Variants in RADIL observed in about 807,000 individuals in gnomAD.
RADIL encodes ras-associating and dilute domain-containing protein.
A neutral mutation model predicts 97.6 loss-of-function variants in RADIL; 99 were observed. That is an observed-to-expected ratio of 1.01 (90% CI 0.86 to 1.20). The LOEUF is 1.20. Ranked by LOEUF, RADIL falls within the 50% of genes most tolerant of loss-of-function variation. RADIL has a pLI of 0.00. For missense variants in RADIL, 1,765 were observed against 1,498.9 expected (o/e 1.18, Z -2.93); for synonymous variants, 803 against 691.8 (o/e 1.16, Z -2.52).
intron 2 of RADIL, among the ~76,000 whole-genome samples, chr7:4,850,958 T>G (rs1284826901): frequency 6.6e-6 from 1 of 152,086 alleles, no homozygotes; most frequent in African/African-American, 2.4e-5. Context: ...TCCCAGCACT[T>G]TGGGAGGCCA....
chr7:4,803,588 A>AGGGCTGCCG lies in RADIL; in HGVS notation c.2448_2456dup (p.Ser818_Gly820dup). 6.5e-7 allele frequency: 1 copy of AGGGCTGCCG among 1,547,548 alleles called. No homozygotes were observed. Among genetic ancestry groups the AGGGCTGCCG allele is most frequent in the East Asian group, 2.4e-5 (1 of 40,868 alleles). ...GGGAGGCCCCACTGCCAGGCCTGCCAGGGCTGCCGGGGCTGGCTCTGCTCC... is the reference window on the plus strand; with the variant it reads ...GGGAGGCCCCACTGCCAGGCCTGCCAGGGCTGCCGGGGCTGCCGGGGCTGGCTCTGCTCC... On this transcript the variant is annotated inframe_insertion, in exon 11 of 15. Coordinates refer to ENST00000399583, the MANE Select transcript of RADIL (RefSeq NM_018059.5).
Position 4,801,639 on chromosome 7 carries a change from C to T in RADIL, c.2842+14G>A. Reference sequence around the variant, plus strand: ...CTGGGGTGGGTTCCCGCCTGAGCACCAGGCAGGGCTCACCTTCCGGAGCTG... The same window carrying T: ...CTGGGGTGGGTTCCCGCCTGAGCACTAGGCAGGGCTCACCTTCCGGAGCTG... On this transcript the variant is annotated intron_variant, in intron 12 of 14. Transcript: ENST00000399583. 7 of 1,582,788 alleles carry T rather than the reference C, an allele frequency of 4.4e-6. No individual in the cohort carries two copies. The highest frequency in any genetic ancestry group is 6.0e-6 in the Non-Finnish European group (7 of 1,166,368).
At chr7:4,868,570 T>C (rs748517529) in intron 2 of RADIL, among the ~76,000 whole-genome samples, 14 of 152,236 alleles carry the variant, frequency 9.2e-5, no homozygotes, top group Non-Finnish European at 1.5e-4. Flanking sequence ...CCACGCTTGC[T>C]TCACCTTCCT....
rs1784347277 is a variant in RADIL, at chr7:4,875,219, CAACAACAA to C, written c.535+2378_535+2385del. Among the ~76,000 whole-genome samples, 4 of 134,330 alleles carry C rather than the reference CAACAACAA, an allele frequency of 3.0e-5. No homozygotes were observed. In the East Asian group the frequency reaches 8.1e-4, roughly 27 times the overall value. The allele number at this position is 134,330 out of a possible 152,430, so 88.1% of individuals were successfully genotyped here. Reference sequence around the variant, plus strand: ...ACAACAACAACAACAACAACAACAACAACAACAACAACAACAACAAAATTAGCCGGGCG... The same window carrying C: ...ACAACAACAACAACAACAACAACAACCAACAACAACAAAATTAGCCGGGCG... On this transcript the variant is annotated intron_variant, in intron 2 of 14. Coordinates refer to ENST00000399583, the MANE Select transcript of RADIL (RefSeq NM_018059.5).
intron 5 of RADIL, among the ~76,000 whole-genome samples, chr7:4,827,865 C>T (rs1783040994): frequency 6.6e-6 from 1 of 151,746 alleles, no homozygotes; most frequent in African/African-American, 2.4e-5. Context: ...TTCTGTGAAC[C>T]TTGTTACTAA....
intron 2 of RADIL, chr7:4,858,834 C>T (rs1364000785): frequency 1.3e-5 from 2 of 152,112 alleles, no homozygotes; most frequent in African/African-American, 4.8e-5. Context: ...AATATTATTC[C>T]TTTTTTCTTG....
At chr7:4,806,817 T>C (rs1331528772) in intron 9 of RADIL, among the ~76,000 whole-genome samples, 1 of 152,212 alleles carries the variant, frequency 6.6e-6, no homozygotes, top group Non-Finnish European at 1.5e-5. Context: ...GGCGTCACCC[T>C]TCGGATTCTG....
Position 4,798,682 on chromosome 7 carries a change from TCA to T in RADIL, c.*694_*695del, listed in dbSNP as rs1231278316. 4 of 152,374 alleles carry T rather than the reference TCA, an allele frequency of 2.6e-5. No homozygotes were observed. The highest frequency in any genetic ancestry group is 4.4e-5 in the Non-Finnish European group (3 of 68,172). 9.4% of individuals were successfully genotyped at this position (152,374 alleles called of 1,614,324 possible). On this transcript the variant is annotated 3_prime_UTR_variant, in exon 15 of 15. Transcript: ENST00000399583. Reference sequence around the variant, plus strand: ...AGGGCCTGGGGCCGCCAGCCTGGTATCAGGGCCACGCTGGTGGCTTTAGTAGG... The same window carrying T: ...AGGGCCTGGGGCCGCCAGCCTGGTATGGGCCACGCTGGTGGCTTTAGTAGG...
At position 4,815,830 on chromosome 7, in the gene RADIL, TG is replaced by T. The variant is rs899970561; in HGVS notation, c.1967-381del. On this transcript the variant is annotated intron_variant, in intron 8 of 14. Transcript: ENST00000399583. The surrounding 1 kb of genome is among the most constrained non-coding windows in gnomAD (Gnocchi z 8.0). ...CAGTGCTCCTGAGCCCTGCAGGTGA[TG>T]GGGGAAGTCACTCCACAAGGCAGGG... Among the ~76,000 whole-genome samples, 75 of 152,180 alleles carry T rather than the reference TG, an allele frequency of 4.9e-4. 1 individual carries two copies. The highest frequency in any genetic ancestry group is 1.7e-3 in the African/African-American group (71 of 41,534).
chr7:4,823,226 C>T (rs921907543), intron 5 of RADIL, among the ~76,000 whole-genome samples: 1 of 151,584 alleles, frequency 6.6e-6, no homozygotes, highest in Non-Finnish European at 1.5e-5. Context: ...AAGGCCAAGG[C>T]GGGTGGATCA....
At chr7:4,830,331 C>A (rs1011206502) in intron 5 of RADIL, among the ~76,000 whole-genome samples, 1 of 152,138 alleles carries the variant, frequency 6.6e-6, no homozygotes, top group African/African-American at 2.4e-5. Flanking sequence ...AGGGCCCACT[C>A]GAGAGTGGGA....
In RADIL at chr7:4,801,726, G is replaced by A. The variant is rs369296363; in HGVS notation, c.2769C>T (p.Gly923=). The change falls in exon 12 of 15, where the codon GGC becomes GGT. Residue 923 remains glycine, a synonymous_variant. Coordinates refer to ENST00000399583, the MANE Select transcript of RADIL (RefSeq NM_018059.5). ...CTGGGAGCGCTTTTCCACAGGGGCC[G>A]CCGGACTCTGGCCAGTCGGGGTCCC... is the stretch of plus-strand genomic sequence containing the variant. ...EPGDPDWPES[G]GPCGKALPER... 140 of 1,610,160 alleles carry A rather than the reference G, an allele frequency of 8.7e-5. 1 individual carries two copies. The African/African-American group carries it at 1.0e-3, about 12-fold the overall frequency.
In RADIL at chr7:4,830,689, C is replaced by T. The variant is rs147053346; in HGVS notation, c.1454+1452G>A. On this transcript the variant is annotated intron_variant, in intron 5 of 14. Transcript: ENST00000399583. Reference sequence around the variant, plus strand: ...GGTCAGGAGTTCGAGACCAGCCTCACCAACATGGAGAATCCCCATCTCTAC... The same window carrying T: ...GGTCAGGAGTTCGAGACCAGCCTCATCAACATGGAGAATCCCCATCTCTAC... Among the ~76,000 whole-genome samples, 496 of 151,954 alleles carry T rather than the reference C, an allele frequency of 3.3e-3. 7 individuals carry two copies. Among genetic ancestry groups the T allele is most frequent in the African/African-American group, 0.011 (470 of 41,434 alleles).
At position 4,815,068 on chromosome 7, in the gene RADIL, G is replaced by A. The variant is rs980969633; in HGVS notation, c.2139+210C>T. 3.3e-5 allele frequency among the ~76,000 whole-genome samples: 5 copies of A among 152,240 alleles called. No individual in the cohort carries two copies. Among genetic ancestry groups the A allele is most frequent in the South Asian group, 2.1e-4 (1 of 4,816 alleles). ...TACGGTCACAGGGTAAGACGGTCAC[G>A]GGTCTCAGACATCTTTGGGCCATTA... On this transcript the variant is annotated intron_variant, in intron 9 of 14. Coordinates refer to ENST00000399583, the MANE Select transcript of RADIL (RefSeq NM_018059.5). This position sits in a 1 kb window ranked among gnomAD's most constrained non-coding sequence, Gnocchi z 8.0.
chr7:4,830,821 T>C (rs1379539472), intron 5 of RADIL, among the ~76,000 whole-genome samples: 3 of 152,102 alleles, frequency 2.0e-5, no homozygotes, highest in Non-Finnish European at 2.9e-5. Context: ...GAGACCATCC[T>C]GGCTAACACG....
Position 4,835,376 on chromosome 7 carries a change from C to T in RADIL, c.784-137G>A, listed in dbSNP as rs1783267216. The T allele has an allele frequency of 8.7e-7, 1 of 1,152,974 alleles. No individual in the cohort carries two copies. Among genetic ancestry groups the T allele is most frequent in the Non-Finnish European group, 1.2e-6 (1 of 821,308 alleles). The allele number at this position is 1,152,974 out of a possible 1,614,324, so 71.4% of individuals were successfully genotyped here. ...GGGCTCTCCATGTCCCTGGCCACCC[C>T]CACACCAGAACCCCGACGGCTCTCA... is the stretch of plus-strand genomic sequence containing the variant. On this transcript the variant is annotated intron_variant, in intron 3 of 14. Coordinates refer to ENST00000399583, the MANE Select transcript of RADIL (RefSeq NM_018059.5). This position sits in a 1 kb window ranked among gnomAD's most constrained non-coding sequence, Gnocchi z 5.8.
chr7:4,879,170 G>A lies in RADIL; in HGVS notation c.-64-967C>T, dbSNP rs546733385. Among the ~76,000 whole-genome samples the A allele has an allele frequency of 3.3e-5, 5 of 152,340 alleles. No individual in the cohort carries two copies. The highest frequency in any genetic ancestry group is 7.2e-5 in the African/African-American group (3 of 41,590). On this transcript the variant is annotated intron_variant, in intron 1 of 14. Transcript: ENST00000399583. The surrounding 1 kb of genome is among the most constrained non-coding windows in gnomAD (Gnocchi z 4.1). ...AGGCGTCCCGCCCACCACAGGCCGCGGGTGCCCGGCGCTCCAGGCCACAGA... is the reference window on the plus strand; with the variant it reads ...AGGCGTCCCGCCCACCACAGGCCGCAGGTGCCCGGCGCTCCAGGCCACAGA...
rs1782653077 is a variant in RADIL, at chr7:4,815,471, G to A, written c.1967-21C>T. 6.8e-7 allele frequency: 1 copy of A among 1,481,332 alleles called. No homozygotes were observed. The highest frequency in any genetic ancestry group is 9.0e-7 in the Non-Finnish European group (1 of 1,112,364). 91.8% of individuals were successfully genotyped at this position (1,481,332 alleles called of 1,614,324 possible). A position where few individuals can be genotyped will look rare whatever the true frequency, so the allele number is the denominator to read the frequency against. ...GGGGCCTGTGGAGGGAAGAAGGGAGGGTGATGCCTGGGCTGCCCTCCTGGG... is the reference window on the plus strand; with the variant it reads ...GGGGCCTGTGGAGGGAAGAAGGGAGAGTGATGCCTGGGCTGCCCTCCTGGG... On this transcript the variant is annotated intron_variant, in intron 8 of 14. Coordinates refer to ENST00000399583, the MANE Select transcript of RADIL (RefSeq NM_018059.5). The surrounding 1 kb of genome is among the most constrained non-coding windows in gnomAD (Gnocchi z 8.0).
At chr7:4,875,156 C>T (rs141080002) in intron 2 of RADIL, among the ~76,000 whole-genome samples, 2,766 of 141,390 alleles carry the variant, frequency 0.02, 361 homozygotes, top group African/African-American at 0.084. Context: ...TGTGCCACTG[C>T]ACTCCAGCCT....
Sources: gnomAD v4.1 joint callset for allele counts (sites outside exome capture counted in the v4.1 genomes callset) on GRCh38, gnomAD v4.1.1 for gene constraint, Gnocchi (gnomAD v3.1) non-coding constraint, MANE v1.5 for transcripts, NCBI Gene and HGNC (gene_info 2026-07-23, HGNC 2026-07-21) for gene names.